DNAJC2: variants seen among roughly 807,000 people sequenced by gnomAD.
DNAJC2 encodes the protein DnaJ heat shock protein family (Hsp40) member C2, also known as dnaJ homolog subfamily C member 2.
Under a neutral mutation model 94.0 loss-of-function variants are expected in DNAJC2, and 32 were observed. The observed-to-expected ratio is 0.34, with a 90% CI of 0.26 to 0.46. DNAJC2 has a LOEUF of 0.46. Ranked by LOEUF, DNAJC2 falls within the 20% of genes least tolerant of loss-of-function variation. The pLI, the probability that DNAJC2 is intolerant of heterozygous loss-of-function variation, is 1.00. For synonymous variants in DNAJC2, 210 were observed against 229.7 expected (o/e 0.91, Z 0.77); for missense variants, 550 against 719.5 (o/e 0.76, Z 2.69).
intron 15 of DNAJC2, 49 bp downstream of exon 15, chr7:103,315,715 G>T: frequency 7.9e-7 from 1 of 1,270,864 alleles, no homozygotes; most frequent in Non-Finnish European, 1.2e-6. Flanking sequence ...CGTCCAAGCA[G>T]CACAGATACA....
chr7:103,319,971 T>C (rs903667858), intron 10 of DNAJC2, 127 bp from the exon 11 acceptor site: 9 of 938,276 alleles, frequency 9.6e-6, no homozygotes, highest in Admixed American at 2.0e-5. Context: ...GAGGCGGAAA[T>C]TGCAGCAAAC....
intron 3 of DNAJC2, chr7:103,336,298 C>T (rs1248333290): frequency 6.6e-6 from 1 of 152,232 alleles, no homozygotes; most frequent in South Asian, 2.1e-4. Flanking sequence ...ATTATCAATT[C>T]TAATTAACAA....
chr7:103,336,221 T>C (rs1423401360), intron 3 of DNAJC2: 1 of 152,242 alleles, frequency 6.6e-6, no homozygotes, highest in Non-Finnish European at 1.5e-5. Flanking sequence ...TTACAATTTA[T>C]TGCACATTTT....
At chr7:103,339,519 C>G (rs570029877) in intron 2 of DNAJC2, among the ~76,000 whole-genome samples, 1 of 152,082 alleles carries the variant, frequency 6.6e-6, no homozygotes, top group Non-Finnish European at 1.5e-5. Flanking sequence ...ACTCTTCATT[C>G]ACTGTAATCT....
At chr7:103,319,882 A>G in intron 10 of DNAJC2, 38 bp from the exon 11 acceptor site, 3 of 1,596,748 alleles carry the variant, frequency 1.9e-6, no homozygotes, top group Non-Finnish European at 2.6e-6. Flanking sequence ...CTACACTCAA[A>G]AATACATCCA....
intron 1 of DNAJC2, among the ~76,000 whole-genome samples, chr7:103,343,366 C>G (rs1464979400): frequency 6.6e-6 from 1 of 152,142 alleles, no homozygotes; most frequent in East Asian, 1.9e-4. Flanking sequence ...AATTCACTAA[C>G]AAGAATTTGT....
intron 15 of DNAJC2, chr7:103,314,567 T>A (rs1046379688): frequency 1.0e-6 from 1 of 985,254 alleles, no homozygotes; most frequent in African/African-American, 1.7e-5. Context: ...ACCTGTTGTA[T>A]TTTGTGGAGA....
At chr7:103,315,145 C>T in intron 15 of DNAJC2, among the ~76,000 whole-genome samples, 1 of 147,702 alleles carries the variant, frequency 6.8e-6, no homozygotes, top group South Asian at 2.2e-4. Context: ...AATCACAACA[C>T]CCAAGATAAT....
At chr7:103,342,904 G>A (rs555844935) in intron 1 of DNAJC2, among the ~76,000 whole-genome samples, 5 of 149,318 alleles carry the variant, frequency 3.3e-5, no homozygotes, top group South Asian at 2.1e-4. Context: ...CACCGCGCCC[G>A]GCCTAGACAA....
intron 15 of DNAJC2, 87 bp from the exon 16 acceptor site, chr7:103,313,188 C>A: frequency 6.8e-7 from 1 of 1,476,228 alleles, no homozygotes; most frequent in South Asian, 1.5e-5. Context: ...GCTAAGTGCC[C>A]ATTTCAATCT....
intron 2 of DNAJC2, among the ~76,000 whole-genome samples, chr7:103,338,021 C>T (rs1819241512): frequency 6.6e-6 from 1 of 152,142 alleles, no homozygotes; most frequent in African/African-American, 2.4e-5. Context: ...AATCCTAGCA[C>T]TTTGGGAGGC....
In DNAJC2 at chr7:103,326,525, AG is replaced by A. The variant is rs781623515; in HGVS notation, c.572+17del. The stretch of plus-strand genomic sequence containing the variant: ...AAGCCAACAGGGCACTATGATCAAA[AG>A]GGATGCCTTAACTTACCTGGAATTC... On this transcript the variant is annotated intron_variant, in intron 5 of 16. Coordinates refer to ENST00000379263, the MANE Select transcript of DNAJC2 (RefSeq NM_014377.3). The A allele has an allele frequency of 8.1e-6, 13 of 1,613,160 alleles. No homozygotes were observed. In the South Asian group the frequency reaches 1.4e-4, roughly 18 times the overall value.
At position 103,328,720 on chromosome 7, in the gene DNAJC2, C is replaced by T. The variant is rs562745043; in HGVS notation, c.332-966G>A. 3.9e-5 allele frequency among the ~76,000 whole-genome samples: 6 copies of T among 152,112 alleles called. No homozygotes were observed. In the South Asian group the frequency reaches 1.2e-3, roughly 32 times the overall value. On this transcript the variant is annotated intron_variant, in intron 3 of 16. Coordinates refer to ENST00000379263, the MANE Select transcript of DNAJC2 (RefSeq NM_014377.3). The stretch of plus-strand genomic sequence containing the variant: ...CTTCAGCTTCACATTATAGCGTTTG[C>T]ATTTTCCATGGTTTTTTCCTTGCAA...
intron 1 of DNAJC2, chr7:103,344,205 T>A (rs187656905): frequency 3.4e-6 from 1 of 295,850 alleles, no homozygotes; most frequent in African/African-American, 2.2e-5. Flanking sequence ...CCCAGGCACG[T>A]GGGGTGCTCG....
At chr7:103,322,943 T>C in intron 7 of DNAJC2, 149 bp from the exon 8 acceptor site, 1 of 730,482 alleles carries the variant, frequency 1.4e-6, no homozygotes, top group Non-Finnish European at 2.2e-6. Flanking sequence ...ATTTTTTTTT[T>C]TTTGAGACAG....
At chr7:103,317,638 T>C (rs1483414800) in intron 12 of DNAJC2, among the ~76,000 whole-genome samples, 1 of 152,276 alleles carries the variant, frequency 6.6e-6, no homozygotes, top group East Asian at 1.9e-4. Flanking sequence ...ACATTCATAG[T>C]GCAGGTTCTT....
intron 2 of DNAJC2, among the ~76,000 whole-genome samples, chr7:103,338,212 G>T (rs950144989): frequency 4.6e-5 from 7 of 151,506 alleles, no homozygotes; most frequent in Non-Finnish European, 1.0e-4. Context: ...AGAGGCTGCA[G>T]TGAGCTGTGA....
chr7:103,328,964 A>G, intron 3 of DNAJC2: 1 of 1,267,096 alleles, frequency 7.9e-7, no homozygotes, highest in Non-Finnish European at 1.0e-6. Context: ...CATGAATGGA[A>G]ATGGAACAAG....
chr7:103,327,567 G>T, intron 4 of DNAJC2, 89 bp downstream of exon 4: 1 of 836,716 alleles, frequency 1.2e-6, no homozygotes, highest in Non-Finnish European at 1.9e-6. Context: ...ATAGTTGAAT[G>T]AACTACAGTA....
Sources: allele counts gnomAD v4.1 joint callset (sites outside exome capture counted in the v4.1 genomes callset), GRCh38; gene constraint gnomAD v4.1.1; transcripts MANE v1.5; gene names NCBI Gene and HGNC (gene_info 2026-07-23, HGNC 2026-07-21).